The following CFAP126 variants were observed in gnomAD, a reference collection of about 807,000 sequenced individuals.
The protein encoded by CFAP126 is protein Flattop.
In CFAP126, 21 loss-of-function variants were observed where a neutral mutation model predicts 17.1. The ratio of observed to expected loss-of-function variants is 1.23; its 90% CI spans 0.87 to 1.77. The LOEUF is 1.77. CFAP126 is among the 40% of genes most tolerant of loss of function. The probability of loss-of-function intolerance (pLI) is 0.00; values close to 1 mark genes in which losing one functional copy is unlikely to be tolerated. For missense variants in CFAP126, 174 were observed against 215.4 expected, an observed-to-expected ratio of 0.81 and a Z score of 1.20; for synonymous variants, 65 against 73.5, an observed-to-expected ratio of 0.88 and a Z score of 0.59.
chr1:161,366,756 C>A (rs1477125690), intron 1 of CFAP126: 1 of 500,320 alleles, frequency 2.0e-6, no homozygotes, highest in Non-Finnish European at 3.5e-6. Context: ...ATGAAATATG[C>A]TGAATTTTTA....
rs1244737904 is a variant in CFAP126, at chr1:161,367,872, C to G, written c.-4G>C. On this transcript the variant is annotated 5_prime_UTR_variant, in exon 1 of 5. Coordinates refer to ENST00000367974, the MANE Select transcript of CFAP126 (RefSeq NM_001013625.4). ...TGGCACTGTAGTTAGTGGCCATGAT[C>G]TTGTGCTGTTTACACTCGTTGCTTG... The G allele has an allele frequency of 6.2e-7, 1 of 1,613,050 alleles. No homozygotes were observed. The highest frequency in any genetic ancestry group is 1.3e-5 in the African/African-American group (1 of 74,110).
intron 1 of CFAP126, chr1:161,367,494 A>G (rs994075403): frequency 2.1e-5 from 5 of 234,644 alleles, no homozygotes; most frequent in Non-Finnish European, 4.1e-5. Flanking sequence ...GTACTCAGTT[A>G]TATTTTGAAT....
At chr1:161,365,342 G>C in intron 4 of CFAP126, 184 bp downstream of exon 4, 1 of 892,828 alleles carries the variant, frequency 1.1e-6, no homozygotes, top group Non-Finnish European at 1.7e-6. Flanking sequence ...TTCTACTGTT[G>C]GGGGTATGAT....
At chr1:161,365,456 A>G (rs1284025575) in intron 4 of CFAP126, 70 bp downstream of exon 4, 15 of 1,553,422 alleles carry the variant, frequency 9.7e-6, no homozygotes, top group Non-Finnish European at 9.7e-6. Flanking sequence ...TGGCATAACA[A>G]TAGACATTTT....
rs1571902991 is a variant in CFAP126, at chr1:161,364,776, C to T, written c.*189G>A. 1 of 550,342 alleles carries T rather than the reference C, an allele frequency of 1.8e-6. No individual in the cohort carries two copies. Among genetic ancestry groups the T allele is most frequent in the African/African-American group, 1.9e-5 (1 of 52,628 alleles). 34.1% of individuals were successfully genotyped at this position (550,342 alleles called of 1,614,324 possible). On this transcript the variant is annotated 3_prime_UTR_variant, in exon 5 of 5. Coordinates refer to ENST00000367974, the MANE Select transcript of CFAP126 (RefSeq NM_001013625.4). ...AGTTTATTTTCCAAATTTGCTTTTACTCCCACCCCAAAATTTCCCTGTTTC... is the reference window on the plus strand; with the variant it reads ...AGTTTATTTTCCAAATTTGCTTTTATTCCCACCCCAAAATTTCCCTGTTTC...
Position 161,367,836 on chromosome 1 carries a change from A to G in CFAP126, c.27+6T>C, listed in dbSNP as rs769738913. On this transcript the variant is annotated splice_donor_region_variant and intron_variant, in intron 1 of 4. Coordinates refer to ENST00000367974, the MANE Select transcript of CFAP126 (RefSeq NM_001013625.4). ...AACGTTAAAGAAATGGAGAATGGGAACTTACCTGGTTGGCACTGTAGTTAG... is the reference window on the plus strand; with the variant it reads ...AACGTTAAAGAAATGGAGAATGGGAGCTTACCTGGTTGGCACTGTAGTTAG... 3.7e-6 allele frequency: 6 copies of G among 1,613,224 alleles called. No homozygotes were observed. In the African/African-American group the frequency reaches 8.0e-5, roughly 22 times the overall value.
chr1:161,366,787 T>G, intron 1 of CFAP126: 1 of 404,096 alleles, frequency 2.5e-6, no homozygotes. Flanking sequence ...TTTTCTTTTT[T>G]TTTTTGAGAT....
In CFAP126 at chr1:161,364,857, A is replaced by C; in HGVS notation, c.*108T>G. ...CACTGAGTCGCTATACGGGTTTTTCAGTGTGTGGCCACTTGGTCCATATGA... is the reference window on the plus strand; with the variant it reads ...CACTGAGTCGCTATACGGGTTTTTCCGTGTGTGGCCACTTGGTCCATATGA... On this transcript the variant is annotated 3_prime_UTR_variant, in exon 5 of 5. Transcript: ENST00000367974. 1.9e-6 allele frequency: 2 copies of C among 1,062,860 alleles called. No individual in the cohort carries two copies. Among genetic ancestry groups the C allele is most frequent in the Non-Finnish European group, 1.4e-6 (1 of 725,690 alleles). The allele number at this position is 1,062,860 out of a possible 1,614,324, so 65.8% of individuals were successfully genotyped here. A position where few individuals can be genotyped will look rare whatever the true frequency, so the allele number is the denominator to read the frequency against.
intron 1 of CFAP126, chr1:161,367,123 A>T (rs1319193112): frequency 6.6e-6 from 1 of 152,248 alleles, no homozygotes; most frequent in East Asian, 1.9e-4. Flanking sequence ...TCTGATTATA[A>T]TTTTTTAAAT....
chr1:161,364,898 T>A lies in CFAP126; in HGVS notation c.*67A>T, dbSNP rs1464895764. 1 of 1,475,270 alleles carries A rather than the reference T, an allele frequency of 6.8e-7. No homozygotes were observed. Among genetic ancestry groups the A allele is most frequent in the Non-Finnish European group, 9.4e-7 (1 of 1,068,290 alleles). 91.4% of individuals were successfully genotyped at this position (1,475,270 alleles called of 1,614,324 possible). A position where few individuals can be genotyped will look rare whatever the true frequency, so the allele number is the denominator to read the frequency against. The stretch of plus-strand genomic sequence containing the variant: ...GTCCATATGAAGTTCCAGGTTTGTA[T>A]TTCTGGACCTCAGCTAGATTAGGCC... On this transcript the variant is annotated 3_prime_UTR_variant, in exon 5 of 5. Coordinates refer to ENST00000367974, the MANE Select transcript of CFAP126 (RefSeq NM_001013625.4).
At position 161,366,205 on chromosome 1, in the gene CFAP126, C is replaced by T. The variant is rs1301416889; in HGVS notation, c.164G>A (p.Arg55His). The change falls in exon 3 of 5, where the codon CGT (arginine) becomes CAT (histidine). Residue 55 changes from arginine (R) to histidine (H), a missense_variant. Coordinates refer to ENST00000367974, the MANE Select transcript of CFAP126 (RefSeq NM_001013625.4). Reference protein sequence around the residue: ...DRGHLLPSVPRSKANPWGSFM... With the variant: ...DRGHLLPSVPHSKANPWGSFM... ...GTGAAGATAGTATCTCACCTTGGAA[C>T]GGGGCACAGAAGGCAGTAGATGACC... 8.7e-6 allele frequency: 14 copies of T among 1,608,752 alleles called. No homozygotes were observed. Among genetic ancestry groups the T allele is most frequent in the Admixed American group, 5.0e-5 (3 of 59,968 alleles).
chr1:161,366,971 C>T (rs1672750159), intron 1 of CFAP126: 1 of 170,762 alleles, frequency 5.9e-6, no homozygotes, highest in Non-Finnish European at 1.3e-5. Context: ...GACGAGGTCT[C>T]ACCATATTGC....
At chr1:161,365,450 A>G (rs1218016512) in intron 4 of CFAP126, 76 bp downstream of exon 4, 4 of 1,535,956 alleles carry the variant, frequency 2.6e-6, no homozygotes, top group Admixed American at 3.4e-5. Flanking sequence ...TAGTGGTGGC[A>G]TAACAATAGA....
chr1:161,365,801 T>C, intron 3 of CFAP126, 99 bp from the exon 4 acceptor site: 1 of 1,128,462 alleles, frequency 8.9e-7, no homozygotes, highest in Non-Finnish European at 1.3e-6. Context: ...GAATGCATGG[T>C]TATGAAACAA....
chr1:161,366,607 C>T, intron 1 of CFAP126, 106 bp from the exon 2 acceptor site: 1 of 990,246 alleles, frequency 1.0e-6, no homozygotes, highest in Non-Finnish European at 1.6e-6. Flanking sequence ...GCCTGACCAA[C>T]CATGTAGGCT....
intron 3 of CFAP126, 73 bp from the exon 4 acceptor site, chr1:161,365,775 C>T: frequency 7.7e-7 from 1 of 1,304,272 alleles, no homozygotes; most frequent in South Asian, 1.5e-5. Context: ...GTATTATTTC[C>T]TTTCTTTACC....
At chr1:161,366,528 A>T in intron 1 of CFAP126, 27 bp from the exon 2 acceptor site, 1 of 1,606,914 alleles carries the variant, frequency 6.2e-7, no homozygotes, top group African/African-American at 1.3e-5. Context: ...AAGTAGCCCT[A>T]TGAGACTTCA....
Position 161,365,238 on chromosome 1 carries a change from C to T in CFAP126, c.349-88G>A, listed in dbSNP as rs1412975376. On this transcript the variant is annotated intron_variant, in intron 4 of 4. Coordinates refer to ENST00000367974, the MANE Select transcript of CFAP126 (RefSeq NM_001013625.4). Reference sequence around the variant, plus strand: ...GCACCTCAGGATTCTAACTCCCTTTCTCCCCATACCATGGGCAGTAGATCA... The same window carrying T: ...GCACCTCAGGATTCTAACTCCCTTTTTCCCCATACCATGGGCAGTAGATCA... 26 of 1,313,546 alleles carry T rather than the reference C, an allele frequency of 2.0e-5. 1 individual carries two copies. Among genetic ancestry groups the T allele is most frequent in the Non-Finnish European group, 2.3e-5 (22 of 936,674 alleles). 81.4% of individuals were successfully genotyped at this position (1,313,546 alleles called of 1,614,324 possible).
chr1:161,365,253 G>A, intron 4 of CFAP126, 103 bp from the exon 5 acceptor site: 1 of 1,197,370 alleles, frequency 8.4e-7, no homozygotes, highest in Non-Finnish European at 1.2e-6. Context: ...CATACCATGG[G>A]CAGTAGATCA....
Sources: allele counts gnomAD v4.1 joint callset, GRCh38; gene constraint gnomAD v4.1.1; transcripts MANE v1.5; gene names NCBI Gene and HGNC (gene_info 2026-07-23, HGNC 2026-07-21).